CSMD3: variants seen among roughly 807,000 people sequenced by gnomAD.
CSMD3 encodes CUB and Sushi multiple domains 3, also known as CUB and sushi domain-containing protein 3.
Under a neutral mutation model 435.2 loss-of-function variants are expected in CSMD3, and 177 were observed. The ratio of observed to expected loss-of-function variants is 0.41; its 90% CI spans 0.36 to 0.46. The LOEUF (loss-of-function observed/expected upper bound fraction) is 0.46, where lower values mean the gene tolerates loss of function less well. CSMD3 is among the 20% of genes least tolerant of loss of function. CSMD3 has a pLI of 0.34. For synonymous variants in CSMD3, 1,656 were observed against 1,520.5 expected (o/e 1.09, Z -2.07); for missense variants, 4,265 against 4,504.6 (o/e 0.95, Z 1.52).
At chr8:112,510,116 G>A (rs1226990451) in intron 28 of CSMD3, among the ~76,000 whole-genome samples, 1 of 152,138 alleles carries the variant, frequency 6.6e-6, no homozygotes. Flanking sequence ...CCACCCTGTA[G>A]CTATTTTCAA....
At chr8:112,732,076 G>A (rs1305299848) in intron 13 of CSMD3, among the ~76,000 whole-genome samples, 1 of 152,020 alleles carries the variant, frequency 6.6e-6, no homozygotes, top group African/African-American at 2.4e-5. Flanking sequence ...GTATGTATGT[G>A]TGTGTGTGTG....
intron 1 of CSMD3, among the ~76,000 whole-genome samples, chr8:113,430,298 C>T (rs141010891): frequency 1.3e-5 from 2 of 152,152 alleles, no homozygotes; most frequent in East Asian, 3.9e-4. Flanking sequence ...TTGGCAATAG[C>T]TACTAGTGCC....
intron 59 of CSMD3, among the ~76,000 whole-genome samples, chr8:112,279,345 A>G (rs2130560255): frequency 6.6e-6 from 1 of 152,286 alleles, no homozygotes; most frequent in South Asian, 2.1e-4. Flanking sequence ...ACCAAACACA[A>G]AACAGAAGGC....
At chr8:113,329,993 C>T (rs2094015010) in intron 1 of CSMD3, among the ~76,000 whole-genome samples, 1 of 152,030 alleles carries the variant, frequency 6.6e-6, no homozygotes, top group Non-Finnish European at 1.5e-5. Flanking sequence ...TTCAAATCCA[C>T]ATAAATAAAG....
At chr8:113,083,673 AC>A (rs2089650134) in intron 5 of CSMD3, among the ~76,000 whole-genome samples, 1 of 152,194 alleles carries the variant, frequency 6.6e-6, no homozygotes, top group South Asian at 2.1e-4. Context: ...CAACAAAATA[AC>A]AAGAGTAGAT....
intron 9 of CSMD3, among the ~76,000 whole-genome samples, chr8:112,937,044 G>C (rs2083300868): frequency 6.6e-6 from 1 of 152,058 alleles, no homozygotes; most frequent in African/African-American, 2.4e-5. Context: ...TGTAGAAAAT[G>C]TGATAAGGTG....
At chr8:112,460,590 C>A (rs1016854136) in intron 32 of CSMD3, among the ~76,000 whole-genome samples, 14 of 152,042 alleles carry the variant, frequency 9.2e-5, no homozygotes, top group African/African-American at 3.4e-4. Flanking sequence ...ATATTGATTT[C>A]ATTTATGTTA....
chr8:113,306,209 G>A (rs1034333820), intron 2 of CSMD3, among the ~76,000 whole-genome samples: 5 of 151,984 alleles, frequency 3.3e-5, no homozygotes, highest in African/African-American at 9.7e-5. Flanking sequence ...AGCTATACAC[G>A]CAATCACTCT....
At chr8:113,332,975 A>G (rs554258469) in intron 1 of CSMD3, among the ~76,000 whole-genome samples, 6 of 151,908 alleles carry the variant, frequency 3.9e-5, no homozygotes, top group African/African-American at 1.4e-4. Context: ...ATAGTTTTAC[A>G]TATATAGACA....
At chr8:113,278,800 A>C in intron 2 of CSMD3, 96 bp from the exon 3 acceptor site, 2 of 691,436 alleles carry the variant, frequency 2.9e-6, no homozygotes, top group Non-Finnish European at 2.7e-6. Context: ...ATAATAAAAC[A>C]GATTTTCTCC....
chr8:113,281,296 G>A lies in CSMD3; in HGVS notation c.402-2592C>T, dbSNP rs117696551. On this transcript the variant is annotated intron_variant, in intron 2 of 70. Transcript: ENST00000297405. ...AGTCCCCCACTATTATTTTGTTGCT[G>A]TCTATATCATTTCTTAAGTCTATTG... Among the ~76,000 whole-genome samples the A allele has an allele frequency of 6.3e-4, 95 of 151,750 alleles. 1 individual carries two copies. In the East Asian group the frequency reaches 0.015, roughly 23 times the overall value.
Position 112,383,742 on chromosome 8 carries a change from A to G in CSMD3, c.5935-79T>C, listed in dbSNP as rs1047315656. ...ACTATAGTCCACCAATCCCCCTTGG[A>G]AAAGAGAGTTCAAATCCTGAACCAC... On this transcript the variant is annotated intron_variant, in intron 36 of 70. Transcript: ENST00000297405. The G allele has an allele frequency of 2.5e-5, 23 of 906,158 alleles. No individual in the cohort carries two copies. In the African/African-American group the frequency reaches 3.8e-4, roughly 15 times the overall value. 56.1% of individuals were successfully genotyped at this position (906,158 alleles called of 1,614,324 possible).
chr8:112,467,799 C>A (rs1233395901), intron 32 of CSMD3, among the ~76,000 whole-genome samples: 2 of 152,110 alleles, frequency 1.3e-5, no homozygotes, highest in African/African-American at 4.8e-5. Context: ...AGTAAACCAG[C>A]TATAAGCCCA....
intron 13 of CSMD3, among the ~76,000 whole-genome samples, chr8:112,729,864 A>T (rs1368684078): frequency 6.6e-6 from 1 of 152,138 alleles, no homozygotes; most frequent in South Asian, 2.1e-4. Flanking sequence ...GAGGGAGAGC[A>T]GCCCTGTCAG....
Position 112,958,533 on chromosome 8 carries a change from C to T in CSMD3, c.1343-3772G>A, listed in dbSNP as rs532725176. ...AGTGGATTATCACTGTGGCGTCTTC[C>T]AGGTTGTCCGTTGTCTTCAAGATCA... On this transcript the variant is annotated intron_variant, in intron 7 of 70. Transcript: ENST00000297405. Among the ~76,000 whole-genome samples, 259 of 152,188 alleles carry T rather than the reference C, an allele frequency of 1.7e-3. 5 individuals carry two copies. The Middle Eastern group carries it at 0.041, about 24-fold the overall frequency.
intron 1 of CSMD3, among the ~76,000 whole-genome samples, chr8:113,329,373 T>A (rs2094009994): frequency 6.6e-6 from 1 of 152,138 alleles, no homozygotes; most frequent in African/African-American, 2.4e-5. Context: ...ACTAAAGGAA[T>A]TAAGCAAGAA....
intron 32 of CSMD3, among the ~76,000 whole-genome samples, chr8:112,434,003 G>A (rs1029641533): frequency 2.0e-5 from 3 of 152,056 alleles, no homozygotes; most frequent in African/African-American, 7.2e-5. Context: ...GGTTTAAGTT[G>A]TCAAGGAATT....
At chr8:112,364,164 T>G (rs1454422967) in intron 38 of CSMD3, among the ~76,000 whole-genome samples, 1 of 152,010 alleles carries the variant, frequency 6.6e-6, no homozygotes, top group African/African-American at 2.4e-5. Context: ...CTTTTGCTAT[T>G]TATAAGATAG....
intron 8 of CSMD3, among the ~76,000 whole-genome samples, chr8:112,953,673 T>C (rs181106110): frequency 2.4e-3 from 370 of 151,570 alleles, no homozygotes; most frequent in African/African-American, 8.5e-3. Flanking sequence ...CGATAATTGA[T>C]ATAACTGCTC....
Sources: allele counts gnomAD v4.1 joint callset (sites outside exome capture counted in the v4.1 genomes callset), GRCh38; gene constraint gnomAD v4.1.1; transcripts MANE v1.5; gene names NCBI Gene and HGNC (gene_info 2026-07-23, HGNC 2026-07-21).